Variants in KIF21A observed in about 807,000 individuals in gnomAD.
The protein encoded by KIF21A is kinesin-like protein KIF21A.
In KIF21A, 114 loss-of-function variants were observed where a neutral mutation model predicts 202.9. That is an observed-to-expected ratio of 0.56 (90% CI 0.48 to 0.66). The LOEUF is 0.66. Among genes scored for constraint, KIF21A ranks in the 30% least tolerant of loss-of-function variants. KIF21A has a pLI of 0.00. For missense variants in KIF21A, 1,677 were observed against 1,994.9 expected (o/e 0.84, Z 3.04); for synonymous variants, 667 against 670.8 (o/e 0.99, Z 0.09).
chr12:39,441,660 TA>T lies in KIF21A; in HGVS notation c.44+1266del, dbSNP rs56245570. ...ATAAAACTGTCACCTCCCTGGGTGG[TA>T]AAAAAAAAAAAAAAAAAAACACTTA... On this transcript the variant is annotated intron_variant, in intron 1 of 37. Coordinates refer to ENST00000361418, the MANE Select transcript of KIF21A (RefSeq NM_001173464.2). Among the ~76,000 whole-genome samples, 63 of 37,794 alleles carry T rather than the reference TA, an allele frequency of 1.7e-3. 5 individuals are homozygous for T. Among genetic ancestry groups the T allele is most frequent in the South Asian group, 5.2e-3 (11 of 2,108 alleles). The allele number at this position is 37,794 out of a possible 152,430, so 24.8% of individuals were successfully genotyped here.
intron 33 of KIF21A, 129 bp downstream of exon 33, chr12:39,309,457 C>T (rs1943796954): frequency 1.5e-6 from 1 of 666,602 alleles, no homozygotes; most frequent in Non-Finnish European, 2.5e-6. Flanking sequence ...ACTTTAATAT[C>T]CTCTGGGAAG....
rs1189183372 is a variant in KIF21A at position 39,301,657 on chromosome 12, T to C, written c.4754A>G (p.Asp1585Gly). 22 of 1,613,938 alleles carry C rather than the reference T, an allele frequency of 1.4e-5. No individual in the cohort carries two copies. The highest frequency in any genetic ancestry group is 1.8e-5 in the Non-Finnish European group (21 of 1,179,982). Residue 1585 changes from aspartate (D) to glycine (G), a missense_variant, in exon 37 of 38, where the codon GAT becomes GGT. Around this residue, in one of 3 missense-constraint regions of KIF21A, gnomAD observed 705 missense variants for 791.9 expected, o/e 0.89. Transcript: ENST00000361418. Reference sequence around the variant, plus strand: ...CACCACTCCCAGGGCACAGACCCAATCCTTATGTGCATTTGGAACTTGCTA... The same window carrying C: ...CACCACTCCCAGGGCACAGACCCAACCCTTATGTGCATTTGGAACTTGCTA... ...LLQQVPNAHKDWVCALGVVPD... is the reference protein window; with the variant it reads ...LLQQVPNAHKGWVCALGVVPD...
intron 26 of KIF21A, among the ~76,000 whole-genome samples, chr12:39,325,049 ACAAATAC>A (rs1945714217): frequency 1.3e-5 from 2 of 152,206 alleles, no homozygotes; most frequent in South Asian, 4.1e-4. Flanking sequence ...TTAAAACCCT[ACAAATAC>A]GCATCATAGC....
intron 1 of KIF21A, among the ~76,000 whole-genome samples, chr12:39,386,462 G>C (rs1950955763): frequency 6.6e-6 from 1 of 152,146 alleles, no homozygotes; most frequent in Non-Finnish European, 1.5e-5. Flanking sequence ...GTAAAGCTGG[G>C]TCTTTGTTAG....
intron 1 of KIF21A, among the ~76,000 whole-genome samples, chr12:39,435,305 A>G (rs1353067103): frequency 6.6e-6 from 1 of 152,218 alleles, no homozygotes; most frequent in Admixed American, 6.5e-5. Flanking sequence ...CAAATGTTCT[A>G]TTGTAATAGT....
At chr12:39,430,809 T>C (rs1937783227) in intron 1 of KIF21A, among the ~76,000 whole-genome samples, 1 of 151,926 alleles carries the variant, frequency 6.6e-6, no homozygotes. Flanking sequence ...TAATAAGGAT[T>C]AGATAAGGTC....
intron 31 of KIF21A, 161 bp from the exon 32 acceptor site, chr12:39,311,714 AAAT>A: frequency 2.9e-6 from 2 of 697,644 alleles, no homozygotes; most frequent in Non-Finnish European, 5.0e-6. Flanking sequence ...ACAAAGTGTG[AAAT>A]AATAATAGTG....
chr12:39,349,753 A>T (rs2138631659), intron 11 of KIF21A, among the ~76,000 whole-genome samples: 1 of 152,250 alleles, frequency 6.6e-6, no homozygotes, highest in East Asian at 1.9e-4. Flanking sequence ...TTTAATTCAA[A>T]AAAACATTTG....
intron 24 of KIF21A, among the ~76,000 whole-genome samples, chr12:39,327,892 T>C (rs963267753): frequency 2.0e-5 from 3 of 152,172 alleles, no homozygotes; most frequent in African/African-American, 7.2e-5. Flanking sequence ...AACTCCCAAA[T>C]ACCCTAAAGT....
At chr12:39,399,275 A>G (rs1326825184) in intron 1 of KIF21A, among the ~76,000 whole-genome samples, 1 of 152,214 alleles carries the variant, frequency 6.6e-6, no homozygotes, top group Non-Finnish European at 1.5e-5. Context: ...TTTAAAGTAT[A>G]TGTGAGGATG....
In KIF21A at chr12:39,294,395, T is replaced by C; in HGVS notation, c.*29A>G. On this transcript the variant is annotated 3_prime_UTR_variant, in exon 38 of 38. Coordinates refer to ENST00000361418, the MANE Select transcript of KIF21A (RefSeq NM_001173464.2). ...AAGAATACAGAGTATTATCACAGCA[T>C]TCAGTTTACAACCTATCTTCATTCA... 6.7e-7 allele frequency: 1 copy of C among 1,486,392 alleles called. No homozygotes were observed. The allele number at this position is 1,486,392 out of a possible 1,614,324, so 92.1% of individuals were successfully genotyped here.
rs770949743 is a variant in KIF21A, at chr12:39,294,437, A to G, written c.5012T>C (p.Ile1671Thr). 2 of 1,612,070 alleles carry G rather than the reference A, an allele frequency of 1.2e-6. No individual in the cohort carries two copies. The highest frequency in any genetic ancestry group is 2.2e-5 in the East Asian group (1 of 44,836). ...CTTCATTCATGTTTAATTACTGGCA[A>G]TATCTTCCCCCAGATCTCCTGTGTC... is the stretch of plus-strand genomic sequence containing the variant. ...ISDTGDLGED[I>T]ASN The change falls in exon 38 of 38, where the codon ATT (isoleucine) becomes ACT (threonine). Residue 1671 changes from isoleucine (I) to threonine (T), a missense_variant. By Grantham distance (89) the Ile-to-Thr change is moderately conservative. Transcript: ENST00000361418.
intron 11 of KIF21A, 98 bp downstream of exon 11, chr12:39,351,679 A>C: frequency 1.4e-6 from 1 of 713,504 alleles, no homozygotes; most frequent in Non-Finnish European, 2.4e-6. Context: ...TTCATATACT[A>C]AGGTACTCAT....
chr12:39,345,638 G>T (rs1275082720), intron 12 of KIF21A, among the ~76,000 whole-genome samples: 2 of 151,676 alleles, frequency 1.3e-5, no homozygotes, highest in Admixed American at 1.3e-4. Context: ...CTAAAGTAGG[G>T]CTTCCAAAAT....
Position 39,327,405 on chromosome 12 carries a change from G to T in KIF21A, c.3341-1081C>A, listed in dbSNP as rs909621848. 2.0e-5 allele frequency among the ~76,000 whole-genome samples: 3 copies of T among 152,142 alleles called. No homozygotes were observed. The East Asian group carries it at 5.8e-4, about 29-fold the overall frequency. On this transcript the variant is annotated intron_variant, in intron 24 of 37. Transcript: ENST00000361418. ...AAGGCAATATGTATCTCATTAGAGG[G>T]AGGCTCAAGGACTTGCTTCACAGAA...
chr12:39,402,485 G>A (rs977681041), intron 1 of KIF21A, among the ~76,000 whole-genome samples: 3 of 152,206 alleles, frequency 2.0e-5, no homozygotes, highest in Admixed American at 6.5e-5. Context: ...ATTGCTTGAG[G>A]ACAGGAGTAT....
chr12:39,389,565 C>A (rs1351635791), intron 1 of KIF21A, among the ~76,000 whole-genome samples: 3 of 152,148 alleles, frequency 2.0e-5, no homozygotes, highest in Admixed American at 6.6e-5. Context: ...AAAACCAAAT[C>A]AAATTTGTGA....
chr12:39,437,827 A>G (rs968354517), intron 1 of KIF21A, among the ~76,000 whole-genome samples: 2 of 152,190 alleles, frequency 1.3e-5, no homozygotes, highest in Admixed American at 6.5e-5. Flanking sequence ...GAAAGGAATA[A>G]ATAACCAAAC....
chr12:39,383,248 T>G (rs1950730156), intron 1 of KIF21A, among the ~76,000 whole-genome samples: 1 of 152,238 alleles, frequency 6.6e-6, no homozygotes, highest in African/African-American at 2.4e-5. Context: ...CTAATAGAGT[T>G]AGGAACTACA....
Sources: gnomAD v4.1 joint callset for allele counts (sites outside exome capture counted in the v4.1 genomes callset) on GRCh38, gnomAD v4.1.1 for gene constraint, gnomAD v4.1.1 regional missense constraint, MANE v1.5 for transcripts, NCBI Gene and HGNC (gene_info 2026-07-23, HGNC 2026-07-21) for gene names.